Variants in NFIB observed in about 807,000 individuals in gnomAD.
NFIB encodes the protein nuclear factor 1 B-type.
NFIB carries 11 observed loss-of-function variants against 61.5 expected under a neutral mutation model. The ratio of observed to expected loss-of-function variants is 0.18; its 90% CI spans 0.11 to 0.30. The LOEUF (loss-of-function observed/expected upper bound fraction) is 0.30. Ranked by LOEUF, NFIB falls within the 10% of genes least tolerant of loss-of-function variation. The probability of loss-of-function intolerance (pLI) is 1.00; values close to 1 mark genes in which losing one functional copy is unlikely to be tolerated. For synonymous variants in NFIB, 260 were observed against 216.5 expected, an observed-to-expected ratio of 1.20 and a Z score of -1.76; for missense variants, 471 against 608.9, an observed-to-expected ratio of 0.77 and a Z score of 2.38.
At chr9:14,453,050 C>G in the NFIB span, among the ~76,000 whole-genome samples, 2 of 152,116 alleles carry the variant, frequency 1.3e-5, no homozygotes, top group African/African-American at 4.8e-5. Context: ...GTGCATAAGC[C>G]CACCACAGTG....
intron 2 of NFIB, among the ~76,000 whole-genome samples, chr9:14,240,462 C>G (rs1297980109): frequency 6.6e-6 from 1 of 152,144 alleles, no homozygotes; most frequent in East Asian, 1.9e-4. Flanking sequence ...GAAAAAAGAT[C>G]TTACTATTCA....
At chr9:14,196,642 T>A (rs940752309) in intron 2 of NFIB, among the ~76,000 whole-genome samples, 1 of 151,062 alleles carries the variant, frequency 6.6e-6, no homozygotes, top group Non-Finnish European at 1.5e-5. Flanking sequence ...TGAAATCAGG[T>A]TGAAAGATTA....
chr9:14,133,680 G>A (rs2040668041), intron 6 of NFIB, among the ~76,000 whole-genome samples: 1 of 152,164 alleles, frequency 6.6e-6, no homozygotes, highest in Admixed American at 6.5e-5. Flanking sequence ...GATAAACAGT[G>A]TTGAAGAGAG....
At chr9:14,228,153 T>C (rs1480656709) in intron 2 of NFIB, among the ~76,000 whole-genome samples, 1 of 151,806 alleles carries the variant, frequency 6.6e-6, no homozygotes, top group Non-Finnish European at 1.5e-5. Flanking sequence ...CAGAATCATA[T>C]GCATCAAAGA....
At chr9:14,506,210 T>A in the NFIB span, among the ~76,000 whole-genome samples, 1 of 152,230 alleles carries the variant, frequency 6.6e-6, no homozygotes, top group Non-Finnish European at 1.5e-5. Flanking sequence ...ACAATTGACA[T>A]AAGTCTTGCA....
In NFIB at chr9:14,125,883, T is replaced by C. The variant is rs13284280; in HGVS notation, c.926-117A>G. On this transcript the variant is annotated intron_variant, in intron 6 of 10. Coordinates refer to ENST00000380953, the MANE Select transcript of NFIB (RefSeq NM_001190737.2). ...TTAGTATTCTTATACTTTGGCTCTTTTACAAAATATATTCTGAGTGTCAAC... is the reference window on the plus strand; with the variant it reads ...TTAGTATTCTTATACTTTGGCTCTTCTACAAAATATATTCTGAGTGTCAAC... 12 of 1,356,046 alleles carry C rather than the reference T, an allele frequency of 8.8e-6. No individual in the cohort carries two copies. In the African/African-American group the frequency reaches 1.8e-4, roughly 20 times the overall value. 84.0% of individuals were successfully genotyped at this position (1,356,046 alleles called of 1,614,324 possible).
In NFIB at chr9:14,084,416, T is replaced by G; in HGVS notation, c.*3893A>C. The stretch of plus-strand genomic sequence containing the variant: ...GCAGCTTCACAGATTCATTCACATA[T>G]TTTTTAATGGAGCTGCCCACCCGAA... On this transcript the variant is annotated 3_prime_UTR_variant, in exon 11 of 11. Transcript: ENST00000380953. 4.5e-6 allele frequency: 1 copy of G among 224,524 alleles called. No homozygotes were observed. Among genetic ancestry groups the G allele is most frequent in the East Asian group, 6.5e-5 (1 of 15,440 alleles). The allele number at this position is 224,524 out of a possible 1,614,324, so 13.9% of individuals were successfully genotyped here. A position where few individuals can be genotyped will look rare whatever the true frequency, so the allele number is the denominator to read the frequency against.
At chr9:14,471,971 G>C in the NFIB span, among the ~76,000 whole-genome samples, 1 of 152,138 alleles carries the variant, frequency 6.6e-6, no homozygotes, top group Non-Finnish European at 1.5e-5. Context: ...CTCCATCTCC[G>C]ACCTGCAGGT....
intron 1 of NFIB, among the ~76,000 whole-genome samples, chr9:14,394,578 C>T (rs1024633959): frequency 2.0e-5 from 3 of 152,252 alleles, no homozygotes; most frequent in East Asian, 3.9e-4. Flanking sequence ...GGGGAAAATG[C>T]CCCCATGATT....
At chr9:14,355,570 TA>T (rs1384374804) in intron 1 of NFIB, among the ~76,000 whole-genome samples, 6 of 152,212 alleles carry the variant, frequency 3.9e-5, no homozygotes, top group Non-Finnish European at 1.5e-5. Flanking sequence ...TTTTGCTTTT[TA>T]AATATTGGCA....
Position 14,120,456 on chromosome 9 carries a change from C to A in NFIB, c.1229G>T (p.Ser410Ile). Residue 410 changes from serine to isoleucine, a missense_variant, in exon 8 of 11, where the codon AGT becomes ATT. Physicochemically the swap from Ser to Ile is moderately radical, Grantham distance 142. Transcript: ENST00000380953. This position sits in a 1 kb window ranked among gnomAD's most constrained non-coding sequence, Gnocchi z 4.4. ...KNYVPSYDPS[S>I]PQTSQPNGSG... ...TATTTTTACCTGGCTGGTTTGTGGA[C>A]TGGATGGGTCATAAGAAGGTACATA... 6.2e-7 allele frequency: 1 copy of A among 1,614,042 alleles called. No individual in the cohort carries two copies. The highest frequency in any genetic ancestry group is 8.5e-7 in the Non-Finnish European group (1 of 1,179,992).
intron 1 of NFIB, among the ~76,000 whole-genome samples, chr9:14,352,537 G>T (rs540022339): frequency 6.6e-6 from 1 of 152,192 alleles, no homozygotes; most frequent in Non-Finnish European, 1.5e-5. Flanking sequence ...GGCTCCCTCA[G>T]TGTATGTAAT....
the NFIB span, among the ~76,000 whole-genome samples, chr9:14,411,366 G>A: frequency 6.6e-6 from 1 of 152,164 alleles, no homozygotes; most frequent in Non-Finnish European, 1.5e-5. Flanking sequence ...ATCTATTACA[G>A]AGGTCTTAGT....
chr9:14,288,055 T>C (rs1188149424), intron 2 of NFIB, among the ~76,000 whole-genome samples: 1 of 152,134 alleles, frequency 6.6e-6, no homozygotes, highest in African/African-American at 2.4e-5. Flanking sequence ...TATTTTTAAA[T>C]ACAGTATATT....
At chr9:14,433,053 T>TA in the NFIB span, among the ~76,000 whole-genome samples, 2 of 152,246 alleles carry the variant, frequency 1.3e-5, no homozygotes, top group African/African-American at 2.4e-5. Context: ...TTAGGGGCAT[T>TA]AAAAAACACC....
In NFIB at chr9:14,237,302, T is replaced by C. The variant is rs570434960; in HGVS notation, c.563-57522A>G. 2.5e-4 allele frequency among the ~76,000 whole-genome samples: 38 copies of C among 152,318 alleles called. No homozygotes were observed. In the South Asian group the frequency reaches 7.2e-3, roughly 29 times the overall value. On this transcript the variant is annotated intron_variant, in intron 2 of 10. Coordinates refer to ENST00000380953, the MANE Select transcript of NFIB (RefSeq NM_001190737.2). Reference sequence around the variant, plus strand: ...AATTTCTTTCATCTATCTCATCCTATTGATTTACTGTGACTCCCCAAATTA... The same window carrying C: ...AATTTCTTTCATCTATCTCATCCTACTGATTTACTGTGACTCCCCAAATTA...
Position 14,214,128 on chromosome 9 carries a change from C to G in NFIB, c.563-34348G>C, listed in dbSNP as rs542066654. On this transcript the variant is annotated intron_variant, in intron 2 of 10. Coordinates refer to ENST00000380953, the MANE Select transcript of NFIB (RefSeq NM_001190737.2). ...ACATCCTAGCCCCCCATTAATTCCC[C>G]TTCCTGAAGAAGCGACAGAGATAAG... Among the ~76,000 whole-genome samples the G allele has an allele frequency of 3.3e-5, 5 of 152,284 alleles. No homozygotes were observed. In the South Asian group the frequency reaches 1.0e-3, roughly 32 times the overall value.
intron 2 of NFIB, among the ~76,000 whole-genome samples, chr9:14,191,040 A>G (rs1294577419): frequency 1.3e-5 from 2 of 152,130 alleles, no homozygotes; most frequent in African/African-American, 4.8e-5. Context: ...TAAAAATACA[A>G]TAATTAGCTG....
intron 2 of NFIB, among the ~76,000 whole-genome samples, chr9:14,195,704 G>A (rs1563888553): frequency 6.6e-6 from 1 of 152,134 alleles, no homozygotes; most frequent in South Asian, 2.1e-4. Flanking sequence ...CCCATTCAAA[G>A]CTATCACTGT....
Sources: gnomAD v4.1 joint callset for allele counts (sites outside exome capture counted in the v4.1 genomes callset) on GRCh38, gnomAD v4.1.1 for gene constraint, Gnocchi (gnomAD v3.1) non-coding constraint, MANE v1.5 for transcripts, NCBI Gene and HGNC (gene_info 2026-07-23, HGNC 2026-07-21) for gene names.